The following CHEK1 variants were observed in gnomAD, a reference collection of about 807,000 sequenced individuals.
CHEK1 encodes checkpoint kinase 1.
A neutral mutation model predicts 60.2 loss-of-function variants in CHEK1; 32 were observed. The observed-to-expected ratio is 0.53, with a 90% CI of 0.40 to 0.71. CHEK1 has a LOEUF of 0.71. CHEK1 is among the 30% of genes least tolerant of loss of function. The pLI is 0.00. For synonymous variants in CHEK1, 179 were observed against 187.2 expected (o/e 0.96, Z 0.36); for missense variants, 399 against 564.6 (o/e 0.71, Z 2.97).
At chr11:125,647,598 A>G (rs1198419364) in intron 11 of CHEK1, among the ~76,000 whole-genome samples, 1 of 152,030 alleles carries the variant, frequency 6.6e-6, no homozygotes, top group Non-Finnish European at 1.5e-5. Flanking sequence ...ATTGGGGAGT[A>G]TTTCCATTTT....
chr11:125,646,062 C>T lies in CHEK1; in HGVS notation c.1233+1419C>T, dbSNP rs148213243. On this transcript the variant is annotated intron_variant, in intron 11 of 12. Coordinates refer to ENST00000438015, the MANE Select transcript of CHEK1 (RefSeq NM_001114122.3). ...TATATTCACAAGGTTGTGCAACCAT[C>T]GCCCCTAATTCCAGAACATTGCATC... is the stretch of plus-strand genomic sequence containing the variant. Among the ~76,000 whole-genome samples the T allele has an allele frequency of 2.7e-3, 410 of 152,224 alleles. 1 individual carries two copies. The highest frequency in any genetic ancestry group is 8.9e-3 in the African/African-American group (370 of 41,538).
chr11:125,641,437 G>GT (rs1941301538), intron 8 of CHEK1, among the ~76,000 whole-genome samples: 2 of 151,840 alleles, frequency 1.3e-5, no homozygotes, highest in South Asian at 4.2e-4. Flanking sequence ...ATATTACTTG[G>GT]TTTCATGGCT....
Position 125,653,959 on chromosome 11 carries a change from T to C in CHEK1, c.1335+112T>C, listed in dbSNP as rs1941819042. The C allele has an allele frequency of 1.7e-6, 1 of 582,180 alleles. No homozygotes were observed. The highest frequency in any genetic ancestry group is 3.2e-5 in the East Asian group (1 of 31,282). 36.1% of individuals were successfully genotyped at this position (582,180 alleles called of 1,614,324 possible). A position where few individuals can be genotyped will look rare whatever the true frequency, so the allele number is the denominator to read the frequency against. Reference sequence around the variant, plus strand: ...TTTGTAAATAGGTTACTTGCTTTTTTCGTTTAATATTATGAGCATGTGTTT... The same window carrying C: ...TTTGTAAATAGGTTACTTGCTTTTTCCGTTTAATATTATGAGCATGTGTTT... On this transcript the variant is annotated intron_variant, in intron 12 of 12. Coordinates refer to ENST00000438015, the MANE Select transcript of CHEK1 (RefSeq NM_001114122.3). The surrounding 1 kb of genome is among the most constrained non-coding windows in gnomAD (Gnocchi z 4.3).
At chr11:125,629,509 T>C (rs1465743501) in intron 5 of CHEK1, 49 bp downstream of exon 5, 3 of 1,270,422 alleles carry the variant, frequency 2.4e-6, no homozygotes, top group Non-Finnish European at 3.3e-6. Flanking sequence ...AATAATTACC[T>C]AAATTATTTT....
At position 125,635,454 on chromosome 11, in the gene CHEK1, C is replaced by G. The variant is rs901928346; in HGVS notation, c.639C>G (p.Asp213Glu). The change falls in exon 7 of 13, where the codon GAC becomes GAG. Residue 213 changes from aspartate to glutamate, a missense_variant. Asp to Glu is a conservative substitution (Grantham distance 45). This residue lies in a region of CHEK1 where 370 missense variants were observed against 494.8 expected (regional missense o/e 0.75). Coordinates refer to ENST00000438015, the MANE Select transcript of CHEK1 (RefSeq NM_001114122.3). ...AATTGCCATGGGACCAACCCAGTGA[C>G]AGCTGTCAGGAGTATTCTGACTGGA... is the stretch of plus-strand genomic sequence containing the variant. ...AGELPWDQPS[D>E]SCQEYSDWKE... 1.3e-6 allele frequency: 2 copies of G among 1,599,464 alleles called. No homozygotes were observed. Among genetic ancestry groups the G allele is most frequent in the Non-Finnish European group, 8.5e-7 (1 of 1,174,600 alleles).
rs1293734500 is a variant in CHEK1 at position 125,626,210 on chromosome 11, GACTA to G, written c.-21+201_-21+204del. On this transcript the variant is annotated intron_variant, in intron 1 of 12. Transcript: ENST00000438015. ...CCGTTGTGGGGGCGGGGGCAGGAGG[GACTA>G]ACCCGCTGCTAGCTAAGAACCCCAA... 5.1e-6 allele frequency: 3 copies of G among 586,700 alleles called. No homozygotes were observed. In the African/African-American group the frequency reaches 5.6e-5, roughly 11 times the overall value. The allele number at this position is 586,700 out of a possible 1,614,324, so 36.3% of individuals were successfully genotyped here.
chr11:125,634,078 A>T (rs1271711055), intron 6 of CHEK1, among the ~76,000 whole-genome samples: 2 of 146,328 alleles, frequency 1.4e-5, no homozygotes, highest in African/African-American at 5.1e-5. Context: ...GCTCACTGCA[A>T]CCTCTGCCTC....
Position 125,625,209 on chromosome 11 carries a change from T to A in CHEK1, c.-824T>A. On this transcript the variant is annotated 5_prime_UTR_variant, in exon 1 of 13. Transcript: ENST00000438015. The stretch of plus-strand genomic sequence containing the variant: ...TTTGCACATTAAAAATGAAAAAGTT[T>A]GTAGAACTAAGCTAAGCAGATGGTC... 4.4e-6 allele frequency: 1 copy of A among 227,968 alleles called. No homozygotes were observed. Among genetic ancestry groups the A allele is most frequent in the Non-Finnish European group, 8.7e-6 (1 of 114,782 alleles). The allele number at this position is 227,968 out of a possible 1,614,324, so 14.1% of individuals were successfully genotyped here. A position where few individuals can be genotyped will look rare whatever the true frequency, so the allele number is the denominator to read the frequency against.
At chr11:125,650,813 G>A (rs1414389002) in intron 11 of CHEK1, among the ~76,000 whole-genome samples, 1 of 144,484 alleles carries the variant, frequency 6.9e-6, no homozygotes, top group African/African-American at 2.6e-5. Flanking sequence ...AGTTTTAGTG[G>A]TCAGCTAATG....
intron 13 of CHEK1, among the ~76,000 whole-genome samples, chr11:125,665,186 G>A (rs1942077076): frequency 6.8e-6 from 1 of 146,312 alleles, no homozygotes; most frequent in Non-Finnish European, 1.5e-5. Flanking sequence ...TAGCTTTGTA[G>A]TATAATTTGA....
At chr11:125,635,043 G>A (rs1941013573) in intron 6 of CHEK1, among the ~76,000 whole-genome samples, 1 of 150,960 alleles carries the variant, frequency 6.6e-6, no homozygotes, top group Admixed American at 6.6e-5. Flanking sequence ...CTGCAGTCTT[G>A]ACCTCTTGGG....
intron 1 of CHEK1, chr11:125,626,274 G>A (rs973427074): frequency 4.4e-5 from 23 of 520,214 alleles, no homozygotes; most frequent in Middle Eastern, 1.0e-3. Flanking sequence ...GCCTCTGGGG[G>A]CAGTTTGGCC....
rs2135963873 is a variant in CHEK1, at chr11:125,625,619, C to T, written c.-414C>T. On this transcript the variant is annotated 5_prime_UTR_variant, in exon 1 of 13. Transcript: ENST00000438015. ...GCGGCCAGGAGCGAAGCCCGCAGCC[C>T]CGCCTGGAAGCGCAGCGCGGTCGGT... 1 of 596,458 alleles carries T rather than the reference C, an allele frequency of 1.7e-6. No homozygotes were observed. The highest frequency in any genetic ancestry group is 2.8e-5 in the East Asian group (1 of 36,202). 36.9% of individuals were successfully genotyped at this position (596,458 alleles called of 1,614,324 possible). A position where few individuals can be genotyped will look rare whatever the true frequency, so the allele number is the denominator to read the frequency against.
intron 13 of CHEK1, among the ~76,000 whole-genome samples, chr11:125,667,152 A>T (rs1323718442): frequency 6.6e-6 from 1 of 150,636 alleles, no homozygotes; most frequent in Non-Finnish European, 1.5e-5. Flanking sequence ...CCATTCCCCC[A>T]TCTCTCTCTC....
downstream of CHEK1, among the ~76,000 whole-genome samples, chr11:125,661,853 T>C (rs540823978): frequency 1.3e-5 from 2 of 152,300 alleles, no homozygotes; most frequent in Non-Finnish European, 2.9e-5. Context: ...TACATATCTT[T>C]GAAGAGATAG....
At chr11:125,675,202 C>G (rs1406438120) in intron 13 of CHEK1, among the ~76,000 whole-genome samples, 3 of 152,132 alleles carry the variant, frequency 2.0e-5, no homozygotes, top group African/African-American at 4.8e-5. Context: ...AACTCCTGGC[C>G]CAAATCGTAA....
intron 13 of CHEK1, among the ~76,000 whole-genome samples, chr11:125,664,769 T>C (rs549468581): frequency 6.6e-6 from 1 of 152,332 alleles, no homozygotes; most frequent in African/African-American, 2.4e-5. Context: ...AGAAATGTTT[T>C]AACTTGATGT....
At chr11:125,634,307 G>T (rs1940980590) in intron 6 of CHEK1, among the ~76,000 whole-genome samples, 1 of 151,708 alleles carries the variant, frequency 6.6e-6, no homozygotes, top group South Asian at 2.1e-4. Context: ...GTGAGATATT[G>T]TGTCTGTTTT....
downstream of CHEK1, chr11:125,680,906 T>TA (rs1458719838): frequency 6.5e-6 from 5 of 770,798 alleles, no homozygotes; most frequent in African/African-American, 1.7e-5. Flanking sequence ...ACCTCAGAAG[T>TA]AACCCATGTT....
Sources: gnomAD v4.1 joint callset for allele counts (sites outside exome capture counted in the v4.1 genomes callset) on GRCh38, gnomAD v4.1.1 for gene constraint, gnomAD v4.1.1 regional missense constraint, Gnocchi (gnomAD v3.1) non-coding constraint, MANE v1.5 for transcripts, NCBI Gene and HGNC (gene_info 2026-07-23, HGNC 2026-07-21) for gene names.